Variants in MSH3 observed in about 807,000 individuals in gnomAD.
The protein encoded by MSH3 is mutS homolog 3.
A neutral mutation model predicts 123.3 loss-of-function variants in MSH3; 106 were observed. That is an observed-to-expected ratio of 0.86 (90% confidence interval 0.73 to 1.01). The LOEUF (loss-of-function observed/expected upper bound fraction) is 1.01, where lower values mean the gene tolerates loss of function less well. Among genes scored for constraint, MSH3 ranks in the 50% least tolerant of loss-of-function variants. MSH3 has a pLI of 0.00. For missense variants in MSH3, 1,459 were observed against 1,347.6 expected (o/e 1.08, Z -1.29); for synonymous variants, 515 against 481.4 (o/e 1.07, Z -0.91).
rs535039929 is a variant in MSH3, at chr5:80,698,473, C to G, written c.1340+19380C>G. On this transcript the variant is annotated intron_variant, in intron 8 of 23. Coordinates refer to ENST00000265081, the MANE Select transcript of MSH3 (RefSeq NM_002439.5). ...AAATATCTTAGAGTTACTGGCAGCC[C>G]TTGAGCATCATGCTAGTTTGCTAGA... 1.4e-3 allele frequency among the ~76,000 whole-genome samples: 216 copies of G among 152,206 alleles called. 1 individual carries two copies. Among genetic ancestry groups the G allele is most frequent in the Non-Finnish European group, 9.7e-4 (66 of 68,022 alleles).
At chr5:80,655,169 T>C (rs1749236753) in intron 1 of MSH3, 5 of 450,912 alleles carry the variant, frequency 1.1e-5, no homozygotes, top group South Asian at 4.3e-5. Context: ...TTTGAGGAGA[T>C]AGGCAAAGGT....
chr5:80,768,352 T>C (rs1561471423), intron 14 of MSH3, among the ~76,000 whole-genome samples: 1 of 152,064 alleles, frequency 6.6e-6, no homozygotes, highest in African/African-American at 2.4e-5. Flanking sequence ...CCCCCACATA[T>C]CAGATGATGG....
At chr5:80,705,606 G>C (rs1217058047) in intron 8 of MSH3, among the ~76,000 whole-genome samples, 1 of 152,212 alleles carries the variant, frequency 6.6e-6, no homozygotes, top group African/African-American at 2.4e-5. Flanking sequence ...GCCACCAACT[G>C]AGGGCTTAAG....
intron 20 of MSH3, among the ~76,000 whole-genome samples, chr5:80,834,076 G>T (rs1010677877): frequency 6.6e-6 from 1 of 152,112 alleles, no homozygotes; most frequent in Non-Finnish European, 1.5e-5. Flanking sequence ...TTGATGACTG[G>T]TTCATGAGCC....
intron 11 of MSH3, among the ~76,000 whole-genome samples, chr5:80,744,283 A>G (rs1743674066): frequency 6.6e-6 from 1 of 152,192 alleles, no homozygotes; most frequent in Non-Finnish European, 1.5e-5. Flanking sequence ...TTTCTGAATA[A>G]TTTATTCTTT....
intron 19 of MSH3, among the ~76,000 whole-genome samples, chr5:80,801,421 T>A (rs1465870779): frequency 6.6e-6 from 1 of 152,178 alleles, no homozygotes; most frequent in East Asian, 1.9e-4. Context: ...GTACAACTTA[T>A]CTCGTGCTGG....
In MSH3 at chr5:80,677,633, G is replaced by A. The variant is rs979899460; in HGVS notation, c.1174-1294G>A. On this transcript the variant is annotated intron_variant, in intron 7 of 23. Transcript: ENST00000265081. ...CCTCCAACCCATAAGATCCCTGGGT[G>A]TCCATTCCCTCCAGAGGTGTCTGTA... Among the ~76,000 whole-genome samples, 4 of 152,314 alleles carry A rather than the reference G, an allele frequency of 2.6e-5. No individual in the cohort carries two copies. In the South Asian group the frequency reaches 8.3e-4, roughly 32 times the overall value.
chr5:80,789,168 C>T (rs551752705), intron 18 of MSH3, among the ~76,000 whole-genome samples: 1 of 152,208 alleles, frequency 6.6e-6, no homozygotes, highest in South Asian at 2.1e-4. Context: ...CTTGGCAGAG[C>T]ACCTAGGATT....
chr5:80,801,244 G>A (rs550464642), intron 19 of MSH3, among the ~76,000 whole-genome samples: 2 of 152,290 alleles, frequency 1.3e-5, no homozygotes, highest in Admixed American at 1.3e-4. Flanking sequence ...TATGGAGAGT[G>A]GATTGTGGGC....
intron 8 of MSH3, among the ~76,000 whole-genome samples, chr5:80,692,559 AAC>A (rs1750316183): frequency 6.9e-6 from 1 of 144,460 alleles, no homozygotes; most frequent in Admixed American, 6.9e-5. Flanking sequence ...TAGAGAGATA[AAC>A]ATGTATATGT....
chr5:80,782,608 T>G (rs1230480154), intron 17 of MSH3, among the ~76,000 whole-genome samples: 1 of 152,144 alleles, frequency 6.6e-6, no homozygotes, highest in Admixed American at 6.5e-5. Context: ...ATTTCAGAAG[T>G]TCCTATAATG....
chr5:80,694,836 A>G (rs887113945), intron 8 of MSH3, among the ~76,000 whole-genome samples: 5 of 151,044 alleles, frequency 3.3e-5, no homozygotes, highest in Non-Finnish European at 7.4e-5. Flanking sequence ...GAAATCTACT[A>G]TCATTCAAAT....
At chr5:80,753,487 T>C (rs1743872719) in intron 12 of MSH3, among the ~76,000 whole-genome samples, 1 of 152,174 alleles carries the variant, frequency 6.6e-6, no homozygotes, top group African/African-American at 2.4e-5. Flanking sequence ...GGAATGTTTT[T>C]TTGTGGTCCC....
chr5:80,785,546 T>G (rs1021726246), intron 17 of MSH3, among the ~76,000 whole-genome samples: 2 of 152,196 alleles, frequency 1.3e-5, no homozygotes, highest in Admixed American at 6.5e-5. Flanking sequence ...GAAGTCAGTG[T>G]GGCGATTCCT....
intron 22 of MSH3, among the ~76,000 whole-genome samples, chr5:80,866,946 T>G (rs948683913): frequency 1.3e-5 from 2 of 152,186 alleles, no homozygotes; most frequent in African/African-American, 4.8e-5. Flanking sequence ...AATGCCTCTC[T>G]AGATGTTTTT....
chr5:80,694,167 A>G (rs1750416538), intron 8 of MSH3, among the ~76,000 whole-genome samples: 1 of 152,206 alleles, frequency 6.6e-6, no homozygotes, highest in Admixed American at 6.5e-5. Flanking sequence ...TCCATACTGT[A>G]AAATTAAACC....
intron 21 of MSH3, among the ~76,000 whole-genome samples, chr5:80,862,073 C>T (rs548806491): frequency 6.6e-6 from 1 of 151,922 alleles, no homozygotes; most frequent in Non-Finnish European, 1.5e-5. Flanking sequence ...CAGAAAGGAG[C>T]AATAAGGGAG....
At chr5:80,708,579 A>G (rs867988375) in intron 8 of MSH3, among the ~76,000 whole-genome samples, 5 of 151,850 alleles carry the variant, frequency 3.3e-5, no homozygotes, top group South Asian at 2.1e-4. Flanking sequence ...CAGCCCTGCA[A>G]GTAGTTGGGG....
intron 15 of MSH3, among the ~76,000 whole-genome samples, chr5:80,772,051 G>T (rs1308221947): frequency 6.6e-6 from 1 of 152,098 alleles, no homozygotes; most frequent in Non-Finnish European, 1.5e-5. Flanking sequence ...TACTGCTTCT[G>T]TTGCAGTCTC....
Sources: allele counts gnomAD v4.1 joint callset (sites outside exome capture counted in the v4.1 genomes callset), GRCh38; gene constraint gnomAD v4.1.1; transcripts MANE v1.5; gene names NCBI Gene and HGNC (gene_info 2026-07-23, HGNC 2026-07-21).